PRMT2: variants seen among roughly 807,000 people sequenced by gnomAD.
PRMT2 encodes protein arginine methyltransferase 2, also known as protein arginine N-methyltransferase 2.
Under a neutral mutation model 57.6 loss-of-function variants are expected in PRMT2, and 26 were observed. The observed-to-expected ratio is 0.45, with a 90% CI of 0.33 to 0.63. The LOEUF (loss-of-function observed/expected upper bound fraction) is 0.63, where lower values mean the gene tolerates loss of function less well. Among genes scored for constraint, PRMT2 ranks in the 20% least tolerant of loss-of-function variants. PRMT2 has a pLI of 0.02. For missense variants in PRMT2, 472 were observed against 564.4 expected, an observed-to-expected ratio of 0.84 and a Z score of 1.66; for synonymous variants, 219 against 220.0, an observed-to-expected ratio of 1.00 and a Z score of 0.04.
In PRMT2 at chr21:46,661,848, C is replaced by A; in HGVS notation, c.1009C>A (p.His337Asn). Residue 337 changes from histidine to asparagine, a missense_variant, in exon 10 of 12, where the codon CAC becomes AAC. Physicochemically the swap from His to Asn is moderately conservative, Grantham distance 68. Around this residue, in one of 2 missense-constraint regions of PRMT2, gnomAD observed 229 missense variants for 217.2 expected, o/e 1.05. Transcript: ENST00000355680. ...RFDIRKAGTLHGFTAWFSVHF... is the reference protein window; with the variant it reads ...RFDIRKAGTLNGFTAWFSVHF... ...CGACATCAGGAAGGCGGGGACCCTG[C>A]ACGGCTTCACGGCCTGGTTTAGCGT... 1 of 1,514,170 alleles carries A rather than the reference C, an allele frequency of 6.6e-7. No individual in the cohort carries two copies. The highest frequency in any genetic ancestry group is 8.9e-7 in the Non-Finnish European group (1 of 1,126,360). 93.8% of individuals were successfully genotyped at this position (1,514,170 alleles called of 1,614,324 possible). A position where few individuals can be genotyped will look rare whatever the true frequency, so the allele number is the denominator to read the frequency against.
intron 8 of PRMT2, 184 bp downstream of exon 8, chr21:46,659,104 A>T: frequency 7.3e-7 from 1 of 1,376,366 alleles, no homozygotes; most frequent in Non-Finnish European, 9.4e-7. Flanking sequence ...ATAACAAGAC[A>T]GATGGGCAGA....
In PRMT2 at chr21:46,661,872, G is replaced by A; in HGVS notation, c.1033G>A (p.Val345Ile). ...TLHGFTAWFS[V>I]HFQSLQEGQP... ...GCACGGCTTCACGGCCTGGTTTAGC[G>A]TCCACTTCCAGAGCCTGCAGGAGGG... Residue 345 changes from valine to isoleucine, a missense_variant, in exon 10 of 12, where the codon GTC becomes ATC. Around this residue, in one of 2 missense-constraint regions of PRMT2, gnomAD observed 229 missense variants for 217.2 expected, o/e 1.05. Coordinates refer to ENST00000355680, the MANE Select transcript of PRMT2 (RefSeq NM_206962.4). The A allele has an allele frequency of 3.3e-6, 5 of 1,512,336 alleles. No individual in the cohort carries two copies. Among genetic ancestry groups the A allele is most frequent in the Non-Finnish European group, 4.4e-6 (5 of 1,124,936 alleles). 93.7% of individuals were successfully genotyped at this position (1,512,336 alleles called of 1,614,324 possible). A position where few individuals can be genotyped will look rare whatever the true frequency, so the allele number is the denominator to read the frequency against.
rs1396453560 is a variant in PRMT2 at position 46,653,894 on chromosome 21, G to T, written c.654+4155G>T. 4 of 1,010,436 alleles carry T rather than the reference G, an allele frequency of 4.0e-6. No homozygotes were observed. The African/African-American group carries it at 5.3e-5, about 13-fold the overall frequency. 62.6% of individuals were successfully genotyped at this position (1,010,436 alleles called of 1,614,324 possible). On this transcript the variant is annotated intron_variant, in intron 7 of 11. Transcript: ENST00000355680. ...ACCTCCTTCTACAACAATGCACTTT[G>T]TCTGCACTGGGACAAAAAATGACAG...
intron 9 of PRMT2, 163 bp downstream of exon 9, chr21:46,661,125 T>G: frequency 1.4e-6 from 1 of 705,570 alleles, no homozygotes; most frequent in Non-Finnish European, 2.1e-6. Context: ...CGTTTGCTAC[T>G]GATTTTTTCC....
chr21:46,661,358 C>T (rs2061616853), intron 9 of PRMT2: 1 of 166,584 alleles, frequency 6.0e-6, no homozygotes, highest in African/African-American at 2.4e-5. Context: ...GAATCCCTGT[C>T]TGTGGCCGCG....
rs991647133 is a variant in PRMT2, at chr21:46,644,503, A to G, written c.327+15A>G. The G allele has an allele frequency of 1.9e-6, 3 of 1,564,968 alleles. No individual in the cohort carries two copies. Among genetic ancestry groups the G allele is most frequent in the Admixed American group, 2.0e-5 (1 of 48,790 alleles). On this transcript the variant is annotated intron_variant, in intron 5 of 11. Coordinates refer to ENST00000355680, the MANE Select transcript of PRMT2 (RefSeq NM_206962.4). ...ATGGAACTCTGGTATTGCTTTCTAA[A>G]TTCCCTGTTCAGCTGGCCAGGCGGT...
rs2061676193 is a variant in PRMT2 at position 46,664,565 on chromosome 21, C to T, written c.*238C>T. On this transcript the variant is annotated 3_prime_UTR_variant, in exon 12 of 12. Transcript: ENST00000355680. ...CCAGTGTCTGCCCTCTAGAAGTAGGCTGTGTTTCCAGGTGTTCACCCGTGG... is the reference window on the plus strand; with the variant it reads ...CCAGTGTCTGCCCTCTAGAAGTAGGTTGTGTTTCCAGGTGTTCACCCGTGG... The T allele has an allele frequency of 3.4e-6, 2 of 594,204 alleles. No homozygotes were observed. Among genetic ancestry groups the T allele is most frequent in the East Asian group, 2.8e-5 (1 of 35,340 alleles). The allele number at this position is 594,204 out of a possible 1,614,324, so 36.8% of individuals were successfully genotyped here.
At chr21:46,662,969 C>T (rs1177458560) in intron 10 of PRMT2, among the ~76,000 whole-genome samples, 3 of 152,140 alleles carry the variant, frequency 2.0e-5, no homozygotes, top group Non-Finnish European at 4.4e-5. Flanking sequence ...GTTGCACAGC[C>T]GTCCTCCTGG....
intron 7 of PRMT2, chr21:46,652,296 CAAAT>C: frequency 1.6e-6 from 2 of 1,272,148 alleles, no homozygotes; most frequent in South Asian, 2.1e-5. Context: ...ATGAAGCTGT[CAAAT>C]AAAATACTTG....
In PRMT2 at chr21:46,663,329, A is replaced by G. The variant is rs912130287; in HGVS notation, c.1098-54A>G. The G allele has an allele frequency of 5.8e-6, 9 of 1,552,262 alleles. No individual in the cohort carries two copies. The African/African-American group carries it at 1.1e-4, about 19-fold the overall frequency. ...AGCCTGAGTCAGCGCCCCGAGGGCC[A>G]TGTGGAGACTGCCCTAGCTCAGCCT... On this transcript the variant is annotated intron_variant, in intron 10 of 11. Coordinates refer to ENST00000355680, the MANE Select transcript of PRMT2 (RefSeq NM_206962.4).
chr21:46,658,802 G>A lies in PRMT2; in HGVS notation c.712G>A (p.Gly238Arg), dbSNP rs770622824. 1.2e-6 allele frequency: 2 copies of A among 1,614,214 alleles called. No individual in the cohort carries two copies. Among genetic ancestry groups the A allele is most frequent in the Non-Finnish European group, 8.5e-7 (1 of 1,180,032 alleles). Residue 238 changes from glycine to arginine, a missense_variant, in exon 8 of 12, where the codon GGG (glycine) becomes AGG (arginine). Gly to Arg is a moderately radical substitution (Grantham distance 125, BLOSUM62 -2). Transcript: ENST00000355680. Reference protein sequence around the residue: ...YARDAWLKEDGVIWPTMAALH... With the variant: ...YARDAWLKEDRVIWPTMAALH... Reference sequence around the variant, plus strand: ...CCGGGATGCCTGGCTGAAGGAGGACGGGGTCATTTGGCCCACCATGGCTGC... The same window carrying A: ...CCGGGATGCCTGGCTGAAGGAGGACAGGGTCATTTGGCCCACCATGGCTGC...
In PRMT2 at chr21:46,639,216, A is replaced by G. The variant is rs77489529; in HGVS notation, c.39+2226A>G. Among the ~76,000 whole-genome samples, 428 of 152,334 alleles carry G rather than the reference A, an allele frequency of 2.8e-3. 4 individuals carry two copies. The highest frequency in any genetic ancestry group is 9.8e-3 in the African/African-American group (407 of 41,588). Reference sequence around the variant, plus strand: ...TTGGTTAGAGAACATAACATCCTCTATAATTTCAGTCTTTTGAAATTTATT... The same window carrying G: ...TTGGTTAGAGAACATAACATCCTCTGTAATTTCAGTCTTTTGAAATTTATT... On this transcript the variant is annotated intron_variant, in intron 3 of 11. Transcript: ENST00000355680.
intron 7 of PRMT2, chr21:46,654,924 CAT>C (rs1415247473): frequency 1.0e-6 from 1 of 983,880 alleles, no homozygotes; most frequent in Non-Finnish European, 1.2e-6. Context: ...TATGTATGTA[CAT>C]AGAGTGTACA....
chr21:46,642,289 A>C (rs1321985097), intron 3 of PRMT2, among the ~76,000 whole-genome samples: 2 of 152,248 alleles, frequency 1.3e-5, no homozygotes, highest in African/African-American at 2.4e-5. Flanking sequence ...GAAAAGTCTA[A>C]ATGTACAAGA....
In PRMT2 at chr21:46,661,806, A is replaced by G; in HGVS notation, c.967A>G (p.Arg323Gly). The part of the protein sequence containing the change: ...TVQISDLETL[R>G]GELRFDIRKA... ...TGTCATCTGCTTGACCCAGACCCTG[A>G]GGGGCGAGCTGCGCTTCGACATCAG... is the stretch of plus-strand genomic sequence containing the variant. The change falls in exon 10 of 12, where the codon AGG becomes GGG. Residue 323 changes from arginine (R) to glycine (G), a missense_variant. By Grantham distance (125) the Arg-to-Gly change is moderately radical. Coordinates refer to ENST00000355680, the MANE Select transcript of PRMT2 (RefSeq NM_206962.4). The G allele has an allele frequency of 1.4e-6, 2 of 1,436,820 alleles. No homozygotes were observed. Among genetic ancestry groups the G allele is most frequent in the Non-Finnish European group, 1.8e-6 (2 of 1,084,760 alleles). The allele number at this position is 1,436,820 out of a possible 1,614,324, so 89.0% of individuals were successfully genotyped here. A position where few individuals can be genotyped will look rare whatever the true frequency, so the allele number is the denominator to read the frequency against.
At position 46,648,594 on chromosome 21, in the gene PRMT2, G is replaced by T. The variant is rs772661676; in HGVS notation, c.464G>T (p.Cys155Phe). 6.2e-7 allele frequency: 1 copy of T among 1,614,096 alleles called. No individual in the cohort carries two copies. The highest frequency in any genetic ancestry group is 8.5e-7 in the Non-Finnish European group (1 of 1,180,040). ...GGGACTGGGATCATCAGTCTCTTCT[G>T]TGCACACTATGCGCGGCCTAGAGCG... ...GCGTGIISLFCAHYARPRAVY... is the reference protein window; with the variant it reads ...GCGTGIISLFFAHYARPRAVY... Residue 155 changes from cysteine to phenylalanine, a missense_variant, in exon 6 of 12, where the codon TGT becomes TTT. Physicochemically the swap from Cys to Phe is radical, Grantham distance 205. This residue lies in a region of PRMT2 where 243 missense variants were observed against 347.2 expected (regional missense o/e 0.70). Coordinates refer to ENST00000355680, the MANE Select transcript of PRMT2 (RefSeq NM_206962.4). The surrounding 1 kb of genome is among the most constrained non-coding windows in gnomAD (Gnocchi z 4.8).
rs2061394373 is a variant in PRMT2, at chr21:46,648,230, TC to T, written c.328-226del. ...TGTGCACCTTTCTTGTTAAATTTGT[TC>T]CTAGGTATTTTTTGTGTATTATTAC... On this transcript the variant is annotated intron_variant, in intron 5 of 11. Coordinates refer to ENST00000355680, the MANE Select transcript of PRMT2 (RefSeq NM_206962.4). The surrounding 1 kb of genome is among the most constrained non-coding windows in gnomAD (Gnocchi z 4.8). 2.1e-6 allele frequency: 1 copy of T among 479,082 alleles called. No homozygotes were observed. Among genetic ancestry groups the T allele is most frequent in the African/African-American group, 1.9e-5 (1 of 52,656 alleles). 29.7% of individuals were successfully genotyped at this position (479,082 alleles called of 1,614,324 possible). A position where few individuals can be genotyped will look rare whatever the true frequency, so the allele number is the denominator to read the frequency against.
intron 7 of PRMT2, chr21:46,653,519 AC>A: frequency 1.0e-6 from 1 of 960,722 alleles, no homozygotes; most frequent in Non-Finnish European, 1.2e-6. Context: ...GCACTGAAGG[AC>A]GATCTACACA....
intron 7 of PRMT2, chr21:46,652,124 C>A: frequency 6.8e-7 from 1 of 1,474,968 alleles, no homozygotes; most frequent in Non-Finnish European, 9.0e-7. Flanking sequence ...GGTGCTGGAA[C>A]GACTGATTTG....
Sources: allele counts gnomAD v4.1 joint callset (sites outside exome capture counted in the v4.1 genomes callset), GRCh38; gene constraint gnomAD v4.1.1; regional missense constraint gnomAD v4.1.1; non-coding constraint Gnocchi (gnomAD v3.1); transcripts MANE v1.5; gene names NCBI Gene and HGNC (gene_info 2026-07-23, HGNC 2026-07-21).